Variants in RUNX2 observed in about 807,000 individuals in gnomAD.
The protein encoded by RUNX2 is RUNX family transcription factor 2.
In RUNX2, 10 loss-of-function variants were observed where a neutral mutation model predicts 51.7. The observed-to-expected ratio is 0.19, with a 90% CI of 0.12 to 0.33. The LOEUF is 0.33. Among genes scored for constraint, RUNX2 ranks in the 10% least tolerant of loss-of-function variants. RUNX2 has a pLI of 1.00. For synonymous variants in RUNX2, 276 were observed against 273.6 expected (o/e 1.01, Z -0.09); for missense variants, 562 against 691.3 (o/e 0.81, Z 2.10).
intron 5 of RUNX2, among the ~76,000 whole-genome samples, chr6:45,486,839 C>T (rs540540453): frequency 1.8e-4 from 28 of 152,176 alleles, no homozygotes; most frequent in Non-Finnish European, 3.7e-4. Flanking sequence ...GGTCACATCA[C>T]ACAGAGTCAA....
intron 2 of RUNX2, among the ~76,000 whole-genome samples, chr6:45,346,436 A>G (rs1562993637): frequency 6.6e-6 from 1 of 152,134 alleles, no homozygotes; most frequent in Non-Finnish European, 1.5e-5. Flanking sequence ...ACAGAGATAC[A>G]ATACAGTACA....
intron 2 of RUNX2, chr6:45,371,972 A>C: frequency 1.2e-6 from 1 of 818,184 alleles, no homozygotes; most frequent in Non-Finnish European, 1.5e-6. Flanking sequence ...ACTAAAACTG[A>C]GGTCCCCCGA....
In RUNX2 at chr6:45,546,945, G is replaced by A. The variant is rs200992166; in HGVS notation, c.1206G>A (p.Pro402=). 34 of 1,613,562 alleles carry A rather than the reference G, an allele frequency of 2.1e-5. No individual in the cohort carries two copies. Among genetic ancestry groups the A allele is most frequent in the Non-Finnish European group, 2.6e-5 (31 of 1,179,938 alleles). The change falls in exon 9 of 9, where the codon CCG becomes CCA. Residue 402 remains proline, a synonymous_variant. Transcript: ENST00000647337. ...ATCCAGCCACCTTTACTTACACCCCGCCAGTCACCTCAGGCATGTCCCTCG... is the reference window on the plus strand; with the variant it reads ...ATCCAGCCACCTTTACTTACACCCCACCAGTCACCTCAGGCATGTCCCTCG... ...MHYPATFTYT[P]PVTSGMSLGM... is the part of the protein sequence containing the mutation.
intron 5 of RUNX2, among the ~76,000 whole-genome samples, chr6:45,465,647 G>T (rs1799608247): frequency 6.7e-6 from 1 of 149,690 alleles, no homozygotes; most frequent in African/African-American, 2.5e-5. Flanking sequence ...TTTTCTTTTT[G>T]GTTTTTTTTT....
chr6:45,340,842 A>G (rs1789635366), intron 2 of RUNX2, among the ~76,000 whole-genome samples: 1 of 152,122 alleles, frequency 6.6e-6, no homozygotes, highest in Non-Finnish European at 1.5e-5. Flanking sequence ...TTATAATCAT[A>G]GGCTTTGGTG....
chr6:45,444,283 C>T (rs1252953813), intron 5 of RUNX2, among the ~76,000 whole-genome samples: 1 of 152,202 alleles, frequency 6.6e-6, no homozygotes, highest in Non-Finnish European at 1.5e-5. Context: ...GGTAGGTAAA[C>T]CATATTTACT....
chr6:45,334,180 T>C (rs75324063), intron 2 of RUNX2, among the ~76,000 whole-genome samples: 4,431 of 151,320 alleles, frequency 0.029, 92 homozygotes, highest in Non-Finnish European at 0.047. Flanking sequence ...AAATATCCTA[T>C]GTAAGGCAAA....
intron 5 of RUNX2, among the ~76,000 whole-genome samples, chr6:45,442,981 C>T (rs1798883441): frequency 6.6e-6 from 1 of 150,894 alleles, no homozygotes; most frequent in Non-Finnish European, 1.5e-5. Flanking sequence ...TGACTTCTCA[C>T]ATGGCGGCAG....
chr6:45,481,712 G>C (rs1582157591), intron 5 of RUNX2, among the ~76,000 whole-genome samples: 1 of 152,202 alleles, frequency 6.6e-6, no homozygotes, highest in East Asian at 1.9e-4. Flanking sequence ...GTCTCCTTCT[G>C]GTCTCTTTGC....
At chr6:45,373,939 CACA>C (rs1313688616) in intron 2 of RUNX2, among the ~76,000 whole-genome samples, 1 of 152,284 alleles carries the variant, frequency 6.6e-6, no homozygotes, top group Non-Finnish European at 1.5e-5. Context: ...ACAAAATTTA[CACA>C]ACAATTTTTG....
chr6:45,369,157 A>G (rs915439537), intron 2 of RUNX2, among the ~76,000 whole-genome samples: 5 of 152,082 alleles, frequency 3.3e-5, no homozygotes, highest in Non-Finnish European at 7.4e-5. Flanking sequence ...ACTTATCTCA[A>G]ATCAGTCACA....
At chr6:45,516,199 A>G (rs896592007) in intron 7 of RUNX2, among the ~76,000 whole-genome samples, 5 of 152,224 alleles carry the variant, frequency 3.3e-5, no homozygotes, top group South Asian at 2.1e-4. Flanking sequence ...TATGTTACCT[A>G]CAATCCTTAC....
chr6:45,416,486 T>C (rs1798070841), intron 2 of RUNX2, among the ~76,000 whole-genome samples: 1 of 152,196 alleles, frequency 6.6e-6, no homozygotes, highest in Non-Finnish European at 1.5e-5. Flanking sequence ...GGGTAAAGAA[T>C]GGCTGAATTA....
chr6:45,388,087 T>C (rs10948231), intron 2 of RUNX2, among the ~76,000 whole-genome samples: 19,138 of 152,020 alleles, frequency 0.13, 1,521 homozygotes, highest in East Asian at 0.3. Flanking sequence ...GGAGGGAAGG[T>C]TTGAACACTT....
rs532561198 is a variant in RUNX2, at chr6:45,437,731, C to T, written c.581-216C>T. Among the ~76,000 whole-genome samples the T allele has an allele frequency of 2.3e-4, 35 of 152,250 alleles. 1 individual carries two copies. The highest frequency in any genetic ancestry group is 1.9e-3 in the South Asian group (9 of 4,828). On this transcript the variant is annotated intron_variant, in intron 4 of 8. Transcript: ENST00000647337. ...ATTGGAGTCTTCCTGTGTAGCACTA[C>T]AATGAGGACGATGATCTTGACTCTA...
intron 5 of RUNX2, among the ~76,000 whole-genome samples, chr6:45,467,612 C>T (rs552770837): frequency 1.5e-4 from 23 of 152,148 alleles, no homozygotes; most frequent in African/African-American, 4.3e-4. Flanking sequence ...CCACCCCCAC[C>T]GCCCCCAGCC....
chr6:45,423,358 C>A (rs1261010753), intron 3 of RUNX2, among the ~76,000 whole-genome samples: 7 of 152,162 alleles, frequency 4.6e-5, no homozygotes, highest in African/African-American at 2.4e-5. Flanking sequence ...GGGCGAGGAT[C>A]CCCGGCATTG....
At chr6:45,330,689 C>T (rs909460765) in intron 2 of RUNX2, among the ~76,000 whole-genome samples, 1 of 151,826 alleles carries the variant, frequency 6.6e-6, no homozygotes, top group Non-Finnish European at 1.5e-5. Context: ...CAAAACTTGA[C>T]AGGATTCTAA....
intron 7 of RUNX2, among the ~76,000 whole-genome samples, chr6:45,529,679 T>C (rs1464472353): frequency 1.3e-5 from 2 of 152,052 alleles, no homozygotes; most frequent in Non-Finnish European, 2.9e-5. Flanking sequence ...AAATGTAATG[T>C]GAATTTTCTC....
Sources: allele counts gnomAD v4.1 joint callset (sites outside exome capture counted in the v4.1 genomes callset), GRCh38; gene constraint gnomAD v4.1.1; transcripts MANE v1.5; gene names NCBI Gene and HGNC (gene_info 2026-07-23, HGNC 2026-07-21).